Variants in ADCY9 observed in about 807,000 individuals in gnomAD.
The protein encoded by ADCY9 is adenylate cyclase 9.
ADCY9 carries 50 observed loss-of-function variants against 101.5 expected under a neutral mutation model. The ratio of observed to expected loss-of-function variants is 0.49; its 90% confidence interval spans 0.39 to 0.62. The LOEUF (loss-of-function observed/expected upper bound fraction) is 0.62. Among genes scored for constraint, ADCY9 ranks in the 20% least tolerant of loss-of-function variants. The pLI, the probability that ADCY9 is intolerant of heterozygous loss-of-function variation, is 0.00. For synonymous variants in ADCY9, 905 were observed against 769.3 expected, an observed-to-expected ratio of 1.18 and a Z score of -2.92; for missense variants, 1,662 against 1,800.4, an observed-to-expected ratio of 0.92 and a Z score of 1.39.
chr16:4,000,964 T>TACACACACACA (rs1284156698), intron 3 of ADCY9, among the ~76,000 whole-genome samples: 1 of 44,942 alleles, frequency 2.2e-5, no homozygotes, highest in Non-Finnish European at 5.5e-5. Context: ...TCCATCCCTC[T>TACACACACACA]CTCTACACAC....
At chr16:4,003,652 A>T (rs1216448636) in intron 3 of ADCY9, among the ~76,000 whole-genome samples, 1 of 147,026 alleles carries the variant, frequency 6.8e-6, no homozygotes, top group Non-Finnish European at 1.5e-5. Flanking sequence ...GCAGCCTCTA[A>T]CTCCTGGGCT....
intron 2 of ADCY9, among the ~76,000 whole-genome samples, chr16:4,038,602 G>C (rs974043328): frequency 6.6e-6 from 1 of 152,104 alleles, no homozygotes; most frequent in African/African-American, 2.4e-5. Context: ...CTGAGATACC[G>C]TGTCGCTGTA....
intron 10 of ADCY9, among the ~76,000 whole-genome samples, chr16:3,969,821 GC>G (rs2056035776): frequency 6.6e-6 from 1 of 150,920 alleles, no homozygotes; most frequent in African/African-American, 2.4e-5. Context: ...TTACTATGTT[GC>G]CCAGGCTGGT....
intron 2 of ADCY9, among the ~76,000 whole-genome samples, chr16:4,082,509 G>A (rs1358648421): frequency 6.6e-6 from 1 of 152,144 alleles, no homozygotes; most frequent in Non-Finnish European, 1.5e-5. Flanking sequence ...ACCAGCAGAA[G>A]CCTGATTCTG....
At chr16:4,087,406 C>T (rs1052760492) in intron 2 of ADCY9, among the ~76,000 whole-genome samples, 63 of 151,846 alleles carry the variant, frequency 4.1e-4, no homozygotes, top group African/African-American at 1.3e-3. Flanking sequence ...TGTGGTGGCA[C>T]ATGCCTGTAA....
rs1160757513 is a variant in ADCY9, at chr16:3,992,232, C to T, written c.2121G>A (p.Leu707=). Residue 707 remains leucine, a synonymous_variant, in exon 5 of 11, where the codon CTG becomes CTA. Coordinates refer to ENST00000294016, the MANE Select transcript of ADCY9 (RefSeq NM_001116.4). This position sits in a 1 kb window ranked among gnomAD's most constrained non-coding sequence, Gnocchi z 4.2. ...TCAGCGGAAGGAGAGCCGACTGGTC[C>T]AGGCTCACCCCTGCCCACCTTCCCT... is the stretch of plus-strand genomic sequence containing the variant. ...QEKGRWAGVS[L]DQSALLPLRF... The T allele has an allele frequency of 6.2e-7, 1 of 1,614,214 alleles. No individual in the cohort carries two copies. Among genetic ancestry groups the T allele is most frequent in the South Asian group, 1.1e-5 (1 of 91,078 alleles).
At chr16:4,020,818 T>TC (rs2056471236) in intron 2 of ADCY9, among the ~76,000 whole-genome samples, 1 of 88,262 alleles carries the variant, frequency 1.1e-5, no homozygotes, top group Non-Finnish European at 2.6e-5. Context: ...AGAGCGAGAC[T>TC]CCGTCTCAAA....
intron 8 of ADCY9, among the ~76,000 whole-genome samples, chr16:3,978,581 C>G (rs772436387): frequency 6.6e-6 from 1 of 152,168 alleles, no homozygotes; most frequent in African/African-American, 2.4e-5. Flanking sequence ...GGCAGGGACT[C>G]GTGCCCACCG....
intron 2 of ADCY9, among the ~76,000 whole-genome samples, chr16:4,065,057 C>G (rs1376887021): frequency 6.6e-6 from 1 of 152,168 alleles, no homozygotes; most frequent in Admixed American, 6.5e-5. Flanking sequence ...ACGTCCATCA[C>G]CAGGCTTCAA....
In ADCY9 at chr16:3,963,282, C is replaced by A. The variant is rs982400658; in HGVS notation, c.*2493G>T. On this transcript the variant is annotated 3_prime_UTR_variant, in exon 11 of 11. Transcript: ENST00000294016. The stretch of plus-strand genomic sequence containing the variant: ...GAGGTATTGCCACCCTGAAGCACGA[C>A]CCATGCCGTCAGCAGCCCTCGTGCC... 7.5e-6 allele frequency: 3 copies of A among 398,618 alleles called. No individual in the cohort carries two copies. The highest frequency in any genetic ancestry group is 4.1e-5 in the African/African-American group (2 of 48,548). The allele number at this position is 398,618 out of a possible 1,614,324, so 24.7% of individuals were successfully genotyped here.
intron 2 of ADCY9, among the ~76,000 whole-genome samples, chr16:4,025,368 C>A (rs1328008521): frequency 1.2e-5 from 1 of 82,014 alleles, no homozygotes; most frequent in African/African-American, 4.1e-5. Context: ...GAGCAAGACT[C>A]TGTCTCCAAA....
chr16:4,086,264 C>A (rs547335211), intron 2 of ADCY9, among the ~76,000 whole-genome samples: 6 of 152,134 alleles, frequency 3.9e-5, no homozygotes, highest in African/African-American at 1.4e-4. Context: ...ACAGGGAAAC[C>A]GCCTCTCCGG....
intron 2 of ADCY9, among the ~76,000 whole-genome samples, chr16:4,061,308 G>T (rs1396989628): frequency 6.6e-6 from 1 of 151,992 alleles, no homozygotes; most frequent in Non-Finnish European, 1.5e-5. Context: ...AAAACTAATG[G>T]CATAAACTTC....
intron 2 of ADCY9, among the ~76,000 whole-genome samples, chr16:4,025,559 A>G (rs1265440209): frequency 6.6e-6 from 1 of 152,130 alleles, no homozygotes; most frequent in Non-Finnish European, 1.5e-5. Context: ...GAGTGTGTGC[A>G]AGGTGGAGAA....
chr16:4,114,887 G>A lies in ADCY9; in HGVS notation c.556C>T (p.Leu186=). ...SLALTLLVFA[L]TLAAQFQVLT... Reference sequence around the variant, plus strand: ...ACCTGGAACTGCGCAGCCAGGGTCAGGGCGAACACCAGCAGGGTGAGAGCC... The same window carrying A: ...ACCTGGAACTGCGCAGCCAGGGTCAAGGCGAACACCAGCAGGGTGAGAGCC... Residue 186 remains leucine (L), a synonymous_variant, in exon 2 of 11, where the codon CTG becomes TTG. Transcript: ENST00000294016. This position sits in a 1 kb window ranked among gnomAD's most constrained non-coding sequence, Gnocchi z 4.3. 1 of 1,613,800 alleles carries A rather than the reference G, an allele frequency of 6.2e-7. No homozygotes were observed. Among genetic ancestry groups the A allele is most frequent in the Non-Finnish European group, 8.5e-7 (1 of 1,180,034 alleles).
intron 10 of ADCY9, among the ~76,000 whole-genome samples, chr16:3,969,228 A>G (rs2141673981): frequency 6.6e-6 from 1 of 152,152 alleles, no homozygotes; most frequent in Non-Finnish European, 1.5e-5. Flanking sequence ...AGTGGTGAGT[A>G]GCACAATTTC....
intron 2 of ADCY9, among the ~76,000 whole-genome samples, chr16:4,079,203 G>A (rs528563914): frequency 6.6e-6 from 1 of 152,094 alleles, no homozygotes; most frequent in Non-Finnish European, 1.5e-5. Flanking sequence ...TCCAACAAGA[G>A]ATATTTCCTG....
intron 2 of ADCY9, 32 bp downstream of exon 2, chr16:4,113,718 G>C (rs201928244): frequency 5.5e-5 from 88 of 1,588,116 alleles, no homozygotes; most frequent in Non-Finnish European, 7.2e-5. Flanking sequence ...GGATCAGGGA[G>C]GGGGGATGCC....
intron 3 of ADCY9, among the ~76,000 whole-genome samples, chr16:4,001,002 C>CAT: frequency 6.6e-6 from 1 of 150,808 alleles, no homozygotes; most frequent in South Asian, 2.1e-4. Flanking sequence ...CACACACACA[C>CAT]ACACACATAT....
Sources: allele counts gnomAD v4.1 joint callset (sites outside exome capture counted in the v4.1 genomes callset), GRCh38; gene constraint gnomAD v4.1.1; non-coding constraint Gnocchi (gnomAD v3.1); transcripts MANE v1.5; gene names NCBI Gene and HGNC (gene_info 2026-07-23, HGNC 2026-07-21).